DOT1L: variants seen among roughly 807,000 people sequenced by gnomAD.
The protein encoded by DOT1L is histone-lysine N-methyltransferase, H3 lysine-79 specific.
In DOT1L, 33 loss-of-function variants were observed where a neutral mutation model predicts 153.3. The ratio of observed to expected loss-of-function variants is 0.22; its 90% CI spans 0.16 to 0.29. The LOEUF (loss-of-function observed/expected upper bound fraction) is 0.29, where lower values mean the gene tolerates loss of function less well. Ranked by LOEUF, DOT1L falls within the 10% of genes least tolerant of loss-of-function variation. DOT1L has a pLI of 1.00. For synonymous variants in DOT1L, 1,135 were observed against 965.1 expected, an observed-to-expected ratio of 1.18 and a Z score of -3.26; for missense variants, 1,847 against 2,119.9, an observed-to-expected ratio of 0.87 and a Z score of 2.53.
chr19:2,185,106 A>C (rs1198436656), intron 2 of DOT1L, among the ~76,000 whole-genome samples: 1 of 152,116 alleles, frequency 6.6e-6, no homozygotes, highest in Non-Finnish European at 1.5e-5. Context: ...GGGTTTCTCC[A>C]TGTTGGTCAG....
At chr19:2,194,806 C>T (rs905372635) in intron 7 of DOT1L, among the ~76,000 whole-genome samples, 2 of 152,186 alleles carry the variant, frequency 1.3e-5, no homozygotes, top group African/African-American at 4.8e-5. Context: ...GGCTTCTGTC[C>T]CTCGGCAGCA....
chr19:2,174,863 C>G (rs1183237084), intron 1 of DOT1L, among the ~76,000 whole-genome samples: 1 of 151,836 alleles, frequency 6.6e-6, no homozygotes, highest in African/African-American at 2.4e-5. Flanking sequence ...TCTCAAACTC[C>G]TAGCTTCAAG....
chr19:2,218,612 C>G (rs1159256012), intron 22 of DOT1L, among the ~76,000 whole-genome samples: 1 of 152,042 alleles, frequency 6.6e-6, no homozygotes, highest in South Asian at 2.1e-4. Context: ...CCAGGATGGT[C>G]TTGATCTCCT....
chr19:2,210,137 C>T (rs899773824), intron 12 of DOT1L, among the ~76,000 whole-genome samples: 1 of 152,236 alleles, frequency 6.6e-6, no homozygotes, highest in Non-Finnish European at 1.5e-5. Flanking sequence ...CACAGTCTGG[C>T]TTCTTACTGA....
intron 1 of DOT1L, among the ~76,000 whole-genome samples, chr19:2,172,894 A>G (rs974776434): frequency 6.6e-6 from 1 of 151,672 alleles, no homozygotes; most frequent in African/African-American, 2.4e-5. Flanking sequence ...TGAGAATGGC[A>G]TGAACCCAGG....
At chr19:2,213,415 C>A in intron 16 of DOT1L, 124 bp from the exon 17 acceptor site, 1 of 921,590 alleles carries the variant, frequency 1.1e-6, no homozygotes, top group South Asian at 1.6e-5. Context: ...CGGTGTGGGT[C>A]CCCTCAGGCA....
intron 1 of DOT1L, among the ~76,000 whole-genome samples, chr19:2,174,808 AC>A (rs1273760514): frequency 6.6e-6 from 1 of 150,918 alleles, no homozygotes; most frequent in African/African-American, 2.4e-5. Context: ...AAAAGCAAAA[AC>A]TTTTTTTGAA....
chr19:2,218,620 C>G (rs538638138), intron 22 of DOT1L, among the ~76,000 whole-genome samples: 2 of 152,146 alleles, frequency 1.3e-5, no homozygotes, highest in East Asian at 3.9e-4. Context: ...GTCTTGATCT[C>G]CTGACCTAGT....
chr19:2,182,056 C>G (rs774398359), intron 2 of DOT1L, among the ~76,000 whole-genome samples: 3 of 151,818 alleles, frequency 2.0e-5, no homozygotes, highest in Non-Finnish European at 2.9e-5. Flanking sequence ...AACCCTGTCT[C>G]TACTAAAAAA....
At chr19:2,178,558 A>G (rs936059064) in intron 1 of DOT1L, among the ~76,000 whole-genome samples, 11 of 151,654 alleles carry the variant, frequency 7.3e-5, no homozygotes, top group African/African-American at 1.2e-4. Flanking sequence ...GCTGGACTAC[A>G]GGCACCCGTC....
In DOT1L at chr19:2,204,325, G is replaced by A. The variant is rs1008914565; in HGVS notation, c.787+1546G>A. Reference sequence around the variant, plus strand: ...TGCATGCATGCCTGTGTCTCTCTGCGTCTGTGTGCCTTGGGAGTTTGTTTG... The same window carrying A: ...TGCATGCATGCCTGTGTCTCTCTGCATCTGTGTGCCTTGGGAGTTTGTTTG... On this transcript the variant is annotated intron_variant, in intron 9 of 27. Transcript: ENST00000398665. The surrounding 1 kb of genome is among the most constrained non-coding windows in gnomAD (Gnocchi z 5.7). Among the ~76,000 whole-genome samples, 3 of 151,920 alleles carry A rather than the reference G, an allele frequency of 2.0e-5. No homozygotes were observed. The highest frequency in any genetic ancestry group is 1.9e-4 in the East Asian group (1 of 5,190).
Position 2,191,182 on chromosome 19 carries a change from C to G in DOT1L, c.435C>G (p.Ala145=), listed in dbSNP as rs1028383704. 11 of 1,613,736 alleles carry G rather than the reference C, an allele frequency of 6.8e-6. No individual in the cohort carries two copies. In the Admixed American group the frequency reaches 1.7e-4, roughly 24 times the overall value. Residue 145 remains alanine, a synonymous_variant, in exon 5 of 28, where the codon GCC becomes GCG. Coordinates refer to ENST00000398665, the MANE Select transcript of DOT1L (RefSeq NM_032482.3). This position sits in a 1 kb window ranked among gnomAD's most constrained non-coding sequence, Gnocchi z 6.8. ...GGGAGACCTCCTTCGACCTGGTGGCCCAGATGATTGATGAGATCAAGATGA... is the reference window on the plus strand; with the variant it reads ...GGGAGACCTCCTTCGACCTGGTGGCGCAGATGATTGATGAGATCAAGATGA... ...VYGETSFDLV[A]QMIDEIKMTD...
At position 2,194,499 on chromosome 19, in the gene DOT1L, G is replaced by T. The variant is rs779986018; in HGVS notation, c.589-16G>T. On this transcript the variant is annotated splice_polypyrimidine_tract_variant and intron_variant, in intron 6 of 27. Coordinates refer to ENST00000398665, the MANE Select transcript of DOT1L (RefSeq NM_032482.3). Reference sequence around the variant, plus strand: ...CCTGAGAGTTTGTAACGGGCGTTTGGTTTCTTTCCTTCCAGACCATGGACC... The same window carrying T: ...CCTGAGAGTTTGTAACGGGCGTTTGTTTTCTTTCCTTCCAGACCATGGACC... The T allele has an allele frequency of 9.3e-6, 15 of 1,613,814 alleles. No homozygotes were observed. The Admixed American group carries it at 1.5e-4, about 16-fold the overall frequency.
At chr19:2,202,961 A>G (rs756872954) in intron 9 of DOT1L, among the ~76,000 whole-genome samples, 182 bp downstream of exon 9, 1 of 152,040 alleles carries the variant, frequency 6.6e-6, no homozygotes, top group East Asian at 1.9e-4. Flanking sequence ...TTCCTCTGTC[A>G]CCCAGGCTGG....
chr19:2,231,162 C>T lies in DOT1L; in HGVS notation c.*1370C>T, dbSNP rs1175622939. The T allele has an allele frequency of 4.4e-6, 1 of 227,650 alleles. No homozygotes were observed. The highest frequency in any genetic ancestry group is 2.2e-5 in the African/African-American group (1 of 44,952). 14.1% of individuals were successfully genotyped at this position (227,650 alleles called of 1,614,324 possible). A position where few individuals can be genotyped will look rare whatever the true frequency, so the allele number is the denominator to read the frequency against. Reference sequence around the variant, plus strand: ...TGTCTGAGCAGTGGTGGCTCTGTGCCCTCCCTGGAGGATGGGATCTGGGAG... The same window carrying T: ...TGTCTGAGCAGTGGTGGCTCTGTGCTCTCCCTGGAGGATGGGATCTGGGAG... On this transcript the variant is annotated 3_prime_UTR_variant, in exon 28 of 28. Coordinates refer to ENST00000398665, the MANE Select transcript of DOT1L (RefSeq NM_032482.3).
chr19:2,207,760 CAT>C lies in DOT1L; in HGVS notation c.963+81_963+82del, dbSNP rs2144815797. ...CACGTCACACTGCTCTCTCCTTTCT[CAT>C]GTGGCCTCTGAGACCCTCCCCTCAG... On this transcript the variant is annotated intron_variant, in intron 11 of 27. Transcript: ENST00000398665. The surrounding 1 kb of genome is among the most constrained non-coding windows in gnomAD (Gnocchi z 4.5). 7.6e-7 allele frequency: 1 copy of C among 1,323,750 alleles called. No individual in the cohort carries two copies. Among genetic ancestry groups the C allele is most frequent in the East Asian group, 2.4e-5 (1 of 41,628 alleles). The allele number at this position is 1,323,750 out of a possible 1,614,324, so 82.0% of individuals were successfully genotyped here. A position where few individuals can be genotyped will look rare whatever the true frequency, so the allele number is the denominator to read the frequency against.
At chr19:2,198,387 G>T (rs1010948207) in intron 7 of DOT1L, among the ~76,000 whole-genome samples, 3 of 152,304 alleles carry the variant, frequency 2.0e-5, no homozygotes, top group South Asian at 4.1e-4. Flanking sequence ...GGGGCTTCCC[G>T]CGGCCTTGGA....
Position 2,217,213 on chromosome 19 carries a change from C to G in DOT1L, c.2544+123C>G. 7.5e-7 allele frequency: 1 copy of G among 1,338,086 alleles called. No homozygotes were observed. The highest frequency in any genetic ancestry group is 1.6e-5 in the South Asian group (1 of 63,276). 82.9% of individuals were successfully genotyped at this position (1,338,086 alleles called of 1,614,324 possible). ...GGCACGGTGAGGTACTGGGGCTGAC[C>G]TGGAGTAGGATGTTGTGGCAGAGTT... is the stretch of plus-strand genomic sequence containing the variant. On this transcript the variant is annotated intron_variant, in intron 21 of 27. Coordinates refer to ENST00000398665, the MANE Select transcript of DOT1L (RefSeq NM_032482.3). This position sits in a 1 kb window ranked among gnomAD's most constrained non-coding sequence, Gnocchi z 7.3.
Position 2,204,543 on chromosome 19 carries a change from G to A in DOT1L, c.787+1764G>A, listed in dbSNP as rs1568351475. Reference sequence around the variant, plus strand: ...TCCTGTCACCCCCTCCATGGTCCTCGTACCCGCTGCCCTAGAACGCCTCTT... The same window carrying A: ...TCCTGTCACCCCCTCCATGGTCCTCATACCCGCTGCCCTAGAACGCCTCTT... On this transcript the variant is annotated intron_variant, in intron 9 of 27. Transcript: ENST00000398665. The surrounding 1 kb of genome is among the most constrained non-coding windows in gnomAD (Gnocchi z 5.7). Among the ~76,000 whole-genome samples, 2 of 152,178 alleles carry A rather than the reference G, an allele frequency of 1.3e-5. No homozygotes were observed. The highest frequency in any genetic ancestry group is 2.9e-5 in the Non-Finnish European group (2 of 68,042).
Sources: allele counts gnomAD v4.1 joint callset (sites outside exome capture counted in the v4.1 genomes callset), GRCh38; gene constraint gnomAD v4.1.1; non-coding constraint Gnocchi (gnomAD v3.1); transcripts MANE v1.5; gene names NCBI Gene and HGNC (gene_info 2026-07-23, HGNC 2026-07-21).